Variants in PMS1 observed in about 807,000 individuals in gnomAD.
PMS1 encodes the protein PMS1 homolog 1, mismatch repair system component.
A neutral mutation model predicts 93.1 loss-of-function variants in PMS1; 79 were observed. The ratio of observed to expected loss-of-function variants is 0.85; its 90% CI spans 0.71 to 1.02. The LOEUF is 1.02. Among genes scored for constraint, PMS1 ranks in the 50% least tolerant of loss-of-function variants. The pLI is 0.00. For missense variants in PMS1, 1,064 were observed against 1,085.3 expected (o/e 0.98, Z 0.28); for synonymous variants, 335 against 363.4 (o/e 0.92, Z 0.89).
intron 5 of PMS1, among the ~76,000 whole-genome samples, chr2:189,836,403 A>G (rs778924977): frequency 1.4e-4 from 21 of 152,210 alleles, no homozygotes; most frequent in Non-Finnish European, 2.5e-4. Context: ...TAGAAAACAT[A>G]TGGAGGTTTG....
intron 5 of PMS1, among the ~76,000 whole-genome samples, chr2:189,834,878 T>C (rs2053253744): frequency 6.6e-6 from 1 of 152,152 alleles, no homozygotes; most frequent in Non-Finnish European, 1.5e-5. Flanking sequence ...CACAGGTGCA[T>C]GCCACCATAA....
chr2:189,823,626 G>A (rs1251433741), intron 5 of PMS1, among the ~76,000 whole-genome samples: 4 of 152,114 alleles, frequency 2.6e-5, no homozygotes, highest in Non-Finnish European at 5.9e-5. Context: ...TATGTCTGCC[G>A]TGTTGCTCAT....
chr2:189,796,065 A>G (rs2049324978), intron 3 of PMS1, 114 bp downstream of exon 3: 2 of 858,818 alleles, frequency 2.3e-6, no homozygotes, highest in South Asian at 1.4e-5. Context: ...ATGGTAAAAT[A>G]TACATAACAT....
chr2:189,847,023 G>A (rs1468370116), intron 6 of PMS1, among the ~76,000 whole-genome samples: 6 of 151,670 alleles, frequency 4.0e-5, no homozygotes, highest in Non-Finnish European at 7.4e-5. Flanking sequence ...CACCACATCC[G>A]ACTAATTTTT....
intron 4 of PMS1, among the ~76,000 whole-genome samples, chr2:189,808,621 G>A (rs1483455851): frequency 1.3e-5 from 2 of 152,134 alleles, no homozygotes; most frequent in African/African-American, 4.8e-5. Context: ...GTGAGCCACT[G>A]TGCCCAGCCT....
chr2:189,873,172 C>T (rs927108087), intron 11 of PMS1, among the ~76,000 whole-genome samples: 2 of 152,146 alleles, frequency 1.3e-5, no homozygotes, highest in African/African-American at 2.4e-5. Flanking sequence ...AACACTTAAA[C>T]CAGTTTTATT....
At chr2:189,810,762 A>G (rs188974523) in intron 4 of PMS1, among the ~76,000 whole-genome samples, 1 of 152,336 alleles carries the variant, frequency 6.6e-6, no homozygotes, top group Non-Finnish European at 1.5e-5. Context: ...ATAAACTCCT[A>G]GTTAGATTGA....
chr2:189,785,984 G>T (rs1267392987), intron 1 of PMS1, among the ~76,000 whole-genome samples: 1 of 152,148 alleles, frequency 6.6e-6, no homozygotes. Context: ...AATTAGCCGG[G>T]CGTGGTAGTG....
intron 11 of PMS1, 143 bp from the exon 12 acceptor site, chr2:189,873,353 C>T (rs1396263064): frequency 1.6e-6 from 1 of 607,892 alleles, no homozygotes; most frequent in Admixed American, 2.8e-5. Context: ...ACTATTTGTT[C>T]TCCAACTAAG....
chr2:189,857,351 A>G, intron 9 of PMS1: 1 of 339,830 alleles, frequency 2.9e-6, no homozygotes, highest in Non-Finnish European at 6.1e-6. Flanking sequence ...TTTCAGAGCC[A>G]GGGTTCCTGG....
chr2:189,817,962 A>G, intron 4 of PMS1, 55 bp from the exon 5 acceptor site: 1 of 1,286,120 alleles, frequency 7.8e-7, no homozygotes, highest in Non-Finnish European at 1.1e-6. Context: ...ACGGATTTGA[A>G]GATCTGTGAC....
chr2:189,861,476 G>A (rs745976245), intron 9 of PMS1, among the ~76,000 whole-genome samples: 1 of 150,912 alleles, frequency 6.6e-6, no homozygotes, highest in Non-Finnish European at 1.5e-5. Context: ...TTGGCCAGGC[G>A]CAGTGGCTCA....
At chr2:189,815,947 G>A (rs1191034208) in intron 4 of PMS1, among the ~76,000 whole-genome samples, 5 of 152,048 alleles carry the variant, frequency 3.3e-5, no homozygotes, top group African/African-American at 9.7e-5. Context: ...TCTGTCACCC[G>A]GGCTTGAGTG....
intron 1 of PMS1, among the ~76,000 whole-genome samples, chr2:189,787,071 A>G (rs1235621986): frequency 1.3e-5 from 2 of 152,168 alleles, no homozygotes; most frequent in Non-Finnish European, 2.9e-5. Context: ...AAAAAAAAGA[A>G]AGAGAAAGAT....
At chr2:189,796,069 A>G (rs145063364) in intron 3 of PMS1, 118 bp downstream of exon 3, 17 of 845,896 alleles carry the variant, frequency 2.0e-5, no homozygotes, top group African/African-American at 3.4e-5. Flanking sequence ...TAAAATATAC[A>G]TAACATAAGC....
intron 12 of PMS1, 64 bp downstream of exon 12, chr2:189,873,720 T>G: frequency 1.1e-5 from 14 of 1,235,386 alleles, no homozygotes; most frequent in Non-Finnish European, 1.6e-5. Context: ...CCAAGCCGGT[T>G]AGGAACCAGG....
chr2:189,805,114 A>T (rs1306080065), intron 3 of PMS1, among the ~76,000 whole-genome samples: 1 of 152,060 alleles, frequency 6.6e-6, no homozygotes, highest in Non-Finnish European at 1.5e-5. Context: ...TAATTAATAA[A>T]AAATTTAGCC....
chr2:189,866,096 AAT>A (rs2056634720), intron 10 of PMS1, among the ~76,000 whole-genome samples: 1 of 152,324 alleles, frequency 6.6e-6, no homozygotes, highest in Admixed American at 6.5e-5. Flanking sequence ...ACAATTAGAA[AAT>A]AGTGTCTTAG....
intron 5 of PMS1, among the ~76,000 whole-genome samples, chr2:189,818,691 T>C (rs1372348400): frequency 6.6e-6 from 1 of 152,238 alleles, no homozygotes; most frequent in Non-Finnish European, 1.5e-5. Flanking sequence ...TTGCCTAATA[T>C]CTATATGATC....
Sources: allele counts gnomAD v4.1 joint callset (sites outside exome capture counted in the v4.1 genomes callset), GRCh38; gene constraint gnomAD v4.1.1; transcripts MANE v1.5; gene names NCBI Gene and HGNC (gene_info 2026-07-23, HGNC 2026-07-21).